The following GATAD2A variants were observed in gnomAD, a reference collection of about 807,000 sequenced individuals.
The protein encoded by GATAD2A is GATA zinc finger domain containing 2A, also known as transcriptional repressor p66-alpha.
A neutral mutation model predicts 68.5 loss-of-function variants in GATAD2A; 12 were observed. The ratio of observed to expected loss-of-function variants is 0.18; its 90% CI spans 0.11 to 0.28. GATAD2A has a LOEUF of 0.28. Among genes scored for constraint, GATAD2A ranks in the 10% least tolerant of loss-of-function variants. The pLI, the probability that GATAD2A is intolerant of heterozygous loss-of-function variation, is 1.00. For missense variants in GATAD2A, 755 were observed against 868.5 expected, an observed-to-expected ratio of 0.87 and a Z score of 1.64; for synonymous variants, 410 against 375.3, an observed-to-expected ratio of 1.09 and a Z score of -1.07.
chr19:19,475,515 A>T (rs886087311), intron 2 of GATAD2A, among the ~76,000 whole-genome samples: 4 of 140,816 alleles, frequency 2.8e-5, no homozygotes, highest in African/African-American at 1.1e-4. Context: ...GCCCCTCCCC[A>T]GCACCTGTTG....
intron 8 of GATAD2A, 123 bp downstream of exon 8, chr19:19,498,845 TG>T: frequency 1.2e-6 from 1 of 830,816 alleles, no homozygotes; most frequent in Non-Finnish European, 1.9e-6. Flanking sequence ...TGGTCCTGGG[TG>T]GGCTTGGCAG....
At chr19:19,455,932 C>G (rs574919667) in intron 1 of GATAD2A, among the ~76,000 whole-genome samples, 2 of 151,994 alleles carry the variant, frequency 1.3e-5, no homozygotes, top group Admixed American at 1.3e-4. Flanking sequence ...AGGCGGATCA[C>G]GAGGTCAGGA....
intron 2 of GATAD2A, among the ~76,000 whole-genome samples, chr19:19,478,365 C>G (rs1325532214): frequency 6.6e-6 from 1 of 152,136 alleles, no homozygotes; most frequent in Non-Finnish European, 1.5e-5. Context: ...CTTTGGGAGG[C>G]CGAGGTGGGC....
intron 2 of GATAD2A, among the ~76,000 whole-genome samples, chr19:19,474,718 G>T (rs1205626487): frequency 6.6e-6 from 1 of 152,228 alleles, no homozygotes; most frequent in East Asian, 1.9e-4. Flanking sequence ...AGGTTAAACT[G>T]CAGGGTTACA....
chr19:19,408,858 A>G (rs1054689309), intron 1 of GATAD2A, among the ~76,000 whole-genome samples: 1 of 152,168 alleles, frequency 6.6e-6, no homozygotes, highest in Non-Finnish European at 1.5e-5. Context: ...TACTGGGGTC[A>G]GAGAACAAGA....
At chr19:19,435,264 C>G (rs567289613) in intron 1 of GATAD2A, 3 of 411,164 alleles carry the variant, frequency 7.3e-6, no homozygotes, top group African/African-American at 6.1e-5. Flanking sequence ...CTCTGTCGCC[C>G]AGGTTGGAGT....
chr19:19,421,584 C>T (rs540179523), intron 1 of GATAD2A, among the ~76,000 whole-genome samples: 9 of 152,062 alleles, frequency 5.9e-5, no homozygotes, highest in Non-Finnish European at 1.2e-4. Flanking sequence ...GAGTGTGTCC[C>T]GGCCCTGTGT....
intron 2 of GATAD2A, among the ~76,000 whole-genome samples, chr19:19,469,592 A>G (rs1007454925): frequency 1.3e-5 from 2 of 151,022 alleles, no homozygotes; most frequent in African/African-American, 5.0e-5. Flanking sequence ...TCAATAATGC[A>G]GTAACTGTGA....
intron 2 of GATAD2A, among the ~76,000 whole-genome samples, chr19:19,488,679 A>C (rs1445383241): frequency 6.6e-6 from 1 of 152,228 alleles, no homozygotes; most frequent in African/African-American, 2.4e-5. Flanking sequence ...GGTCAGGGCC[A>C]GTGCCAGCGG....
chr19:19,494,487 G>T, intron 5 of GATAD2A, 104 bp downstream of exon 5: 1 of 683,790 alleles, frequency 1.5e-6, no homozygotes, highest in South Asian at 1.7e-5. Flanking sequence ...TTCTGCAAGA[G>T]GTTGCGCTTT....
rs1302131429 is a variant in GATAD2A at position 19,507,621 on chromosome 19, TC to T, written c.*2149del. On this transcript the variant is annotated 3_prime_UTR_variant, in exon 12 of 12. Coordinates refer to ENST00000683918, the MANE Select transcript of GATAD2A (RefSeq NM_001384528.1). The stretch of plus-strand genomic sequence containing the variant: ...ACCTCTCCCAGCCTGGCCTGGCTGT[TC>T]CTCCAGGGCTGATGGCTGTCAACCC... 1 of 152,508 alleles carries T rather than the reference TC, an allele frequency of 6.6e-6. No individual in the cohort carries two copies. The highest frequency in any genetic ancestry group is 1.5e-5 in the Non-Finnish European group (1 of 68,296). The allele number at this position is 152,508 out of a possible 1,614,324, so 9.4% of individuals were successfully genotyped here. A position where few individuals can be genotyped will look rare whatever the true frequency, so the allele number is the denominator to read the frequency against.
chr19:19,490,652 C>G (rs773097021), intron 2 of GATAD2A, among the ~76,000 whole-genome samples: 3 of 152,094 alleles, frequency 2.0e-5, no homozygotes, highest in African/African-American at 7.2e-5. Flanking sequence ...GAGGCCGAGG[C>G]GGGCGGATCA....
At chr19:19,436,199 C>A in intron 1 of GATAD2A, 1 of 1,365,622 alleles carries the variant, frequency 7.3e-7, no homozygotes, top group Non-Finnish European at 9.8e-7. Flanking sequence ...GTAGGACCAG[C>A]ACCCCATACC....
intron 11 of GATAD2A, among the ~76,000 whole-genome samples, chr19:19,503,596 G>A (rs1239784545): frequency 6.6e-6 from 1 of 151,990 alleles, no homozygotes; most frequent in Non-Finnish European, 1.5e-5. Context: ...AGAAGTAGAA[G>A]TCGATAAGTG....
At chr19:19,497,091 G>A (rs2060203943) in intron 7 of GATAD2A, among the ~76,000 whole-genome samples, 1 of 152,156 alleles carries the variant, frequency 6.6e-6, no homozygotes, top group African/African-American at 2.4e-5. Context: ...GAGTACAGTG[G>A]TGTGATCAAA....
At chr19:19,430,973 A>AGC (rs1555699817) in intron 1 of GATAD2A, among the ~76,000 whole-genome samples, 1 of 96,586 alleles carries the variant, frequency 1.0e-5, no homozygotes, top group Non-Finnish European at 2.2e-5. Flanking sequence ...GTTGTATGGT[A>AGC]GGGGTGTGTG....
intron 1 of GATAD2A, among the ~76,000 whole-genome samples, chr19:19,430,735 C>G (rs1435224496): frequency 6.6e-6 from 1 of 152,088 alleles, no homozygotes; most frequent in Non-Finnish European, 1.5e-5. Context: ...TGCCGCAACC[C>G]CAGCAACCCC....
rs1386177034 is a variant in GATAD2A at position 19,484,530 on chromosome 19, T to TC, written c.270-7776_270-7775insC. Among the ~76,000 whole-genome samples, 1,258 of 140,048 alleles carry TC rather than the reference T, an allele frequency of 9.0e-3. 14 individuals carry two copies. The highest frequency in any genetic ancestry group is 0.013 in the Non-Finnish European group (862 of 66,302). 91.9% of individuals were successfully genotyped at this position (140,048 alleles called of 152,430 possible). ...GATTTTTCTTTTTCTTTTTTTTTTT[T>TC]TCTTTTTTTTTTTTTTTTTTGAGAC... On this transcript the variant is annotated intron_variant, in intron 2 of 11. Coordinates refer to ENST00000683918, the MANE Select transcript of GATAD2A (RefSeq NM_001384528.1).
chr19:19,448,081 C>T (rs1042842939), intron 1 of GATAD2A, among the ~76,000 whole-genome samples: 1 of 152,244 alleles, frequency 6.6e-6, no homozygotes, highest in Non-Finnish European at 1.5e-5. Flanking sequence ...AGGCGTAACC[C>T]TTCGTAGGCC....
Sources: allele counts gnomAD v4.1 joint callset (sites outside exome capture counted in the v4.1 genomes callset), GRCh38; gene constraint gnomAD v4.1.1; transcripts MANE v1.5; gene names NCBI Gene and HGNC (gene_info 2026-07-23, HGNC 2026-07-21).